AMOT: variants seen among roughly 807,000 people sequenced by gnomAD.
AMOT encodes angiomotin.
A neutral mutation model predicts 67.0 loss-of-function variants in AMOT; 11 were observed. That is an observed-to-expected ratio of 0.16 (90% CI 0.10 to 0.27). The LOEUF (loss-of-function observed/expected upper bound fraction) is 0.27, where lower values mean the gene tolerates loss of function less well. Among genes scored for constraint, AMOT ranks in the 10% least tolerant of loss-of-function variants. The pLI is 1.00. For synonymous variants in AMOT, 326 were observed against 321.4 expected (o/e 1.01, Z -0.15); for missense variants, 753 against 852.0 (o/e 0.88, Z 1.45).
At chrX:112,840,113 T>C (rs905477551) in intron 1 of AMOT, among the ~76,000 whole-genome samples, 2 of 111,224 alleles carry the variant, frequency 1.8e-5, no homozygotes, top group Non-Finnish European at 3.8e-5. Flanking sequence ...CTGGGCTAAA[T>C]GTAGATTTCA....
At position 112,778,883 on chromosome X, in the gene AMOT, A is replaced by G; in HGVS notation, c.3157+114T>C. Reference sequence around the variant, plus strand: ...CAGACTCTCTTCTCTCTCCTTTAGAACGTGAAAAACTCAGTCCAAATGATA... The same window carrying G: ...CAGACTCTCTTCTCTCTCCTTTAGAGCGTGAAAAACTCAGTCCAAATGATA... On this transcript the variant is annotated intron_variant, in intron 13 of 13. Transcript: ENST00000371959. 5 of 842,313 alleles carry G rather than the reference A, an allele frequency of 5.9e-6. No individual in the cohort carries two copies. The South Asian group carries it at 1.2e-4, about 21-fold the overall frequency. 69.4% of individuals were successfully genotyped at this position (842,313 alleles called of 1,213,427 possible). A position where few individuals can be genotyped will look rare whatever the true frequency, so the allele number is the denominator to read the frequency against.
chrX:112,800,136 C>G (rs1047481471), intron 8 of AMOT, among the ~76,000 whole-genome samples: 1 of 110,970 alleles, frequency 9.0e-6, no homozygotes, highest in African/African-American at 3.3e-5. Flanking sequence ...GAGGCTGAGG[C>G]AGGAGAATAG....
intron 2 of AMOT, among the ~76,000 whole-genome samples, chrX:112,829,565 A>G (rs967061250): frequency 1.8e-5 from 2 of 112,049 alleles, no homozygotes; most frequent in Non-Finnish European, 3.8e-5. Context: ...GGACAGCTTA[A>G]TACACTCTAT....
rs779002447 is a variant in AMOT, at chrX:112,832,275, A to G, written c.-212+19T>C. Reference sequence around the variant, plus strand: ...CAAAGAAAGACATGGAATAACAATAATAATAATGTTATTATTACCTTTAGT... The same window carrying G: ...CAAAGAAAGACATGGAATAACAATAGTAATAATGTTATTATTACCTTTAGT... On this transcript the variant is annotated intron_variant, in intron 2 of 13. Transcript: ENST00000371959. 2 of 111,923 alleles carry G rather than the reference A, an allele frequency of 1.8e-5. No individual in the cohort carries two copies. The highest frequency in any genetic ancestry group is 3.8e-5 in the Non-Finnish European group (2 of 53,240). The allele number at this position is 111,923 out of a possible 1,213,427, so 9.2% of individuals were successfully genotyped here.
chrX:112,793,741 A>G (rs997175041), intron 8 of AMOT, among the ~76,000 whole-genome samples: 3 of 112,022 alleles, frequency 2.7e-5, no homozygotes, highest in Non-Finnish European at 5.6e-5. Context: ...GGTGAGTTCG[A>G]AGCCTATATG....
intron 8 of AMOT, among the ~76,000 whole-genome samples, chrX:112,792,846 C>T (rs745640528): frequency 1.0e-3 from 112 of 111,119 alleles, no homozygotes; most frequent in African/African-American, 3.5e-3. Flanking sequence ...TAAGCCATAT[C>T]CAAAAGCAAA....
At chrX:112,819,648 A>C (rs1369414486) in intron 4 of AMOT, among the ~76,000 whole-genome samples, 1 of 112,671 alleles carries the variant, frequency 8.9e-6, no homozygotes, top group African/African-American at 3.2e-5. Context: ...AATTATTCAG[A>C]TAGCCTTTGC....
At chrX:112,781,443 C>CAAA (rs35689399) in intron 11 of AMOT, among the ~76,000 whole-genome samples, 8 of 28,983 alleles carry the variant, frequency 2.8e-4, no homozygotes, top group East Asian at 1.6e-3. Flanking sequence ...GACTCCATCT[C>CAAA]AAAAAAAAAA....
intron 1 of AMOT, among the ~76,000 whole-genome samples, chrX:112,836,784 CT>C (rs781690741): frequency 7.5e-5 from 8 of 107,292 alleles, no homozygotes; most frequent in Middle Eastern, 4.6e-3. Flanking sequence ...GCACTTCATT[CT>C]AGTAGCAATC....
rs775912299 is a variant in AMOT at position 112,823,010 on chromosome X, C to G, written c.117G>C (p.Gln39His). 3.1e-5 allele frequency: 36 copies of G among 1,165,555 alleles called. No homozygotes were observed. In the African/African-American group the frequency reaches 6.3e-4, roughly 20 times the overall value. Residue 39 changes from glutamine to histidine, a missense_variant, in exon 4 of 14, where the codon CAG becomes CAC. Around this residue, in one of 5 missense-constraint regions of AMOT, gnomAD observed 118 missense variants for 125.9 expected, o/e 0.94. Transcript: ENST00000371959. ...AAGGAGGGCCATTCCCTGTGGCTTG[C>G]TGGTGTATGGCAAGCAGGCTGCGAT... The part of the protein sequence containing the change: ...SENRSLLAIH[Q>H]QATGNGPPFP...
At chrX:112,833,168 G>T (rs1294252303) in intron 1 of AMOT, among the ~76,000 whole-genome samples, 1 of 111,873 alleles carries the variant, frequency 8.9e-6, no homozygotes, top group Non-Finnish European at 1.9e-5. Context: ...CACCTAAAGT[G>T]ATGCGGGGAA....
At chrX:112,787,022 G>A (rs962494059) in intron 10 of AMOT, among the ~76,000 whole-genome samples, 1 of 111,318 alleles carries the variant, frequency 9.0e-6, no homozygotes, top group African/African-American at 3.3e-5. Context: ...CAGGATAAAG[G>A]GCAATGCCAG....
chrX:112,834,598 C>T (rs562849317), intron 1 of AMOT, among the ~76,000 whole-genome samples: 10 of 112,036 alleles, frequency 8.9e-5, no homozygotes, highest in Middle Eastern at 9.2e-3. Context: ...AAATGAGCCA[C>T]GAATTGTACA....
intron 10 of AMOT, among the ~76,000 whole-genome samples, chrX:112,785,953 A>T (rs1388978702): frequency 8.9e-6 from 1 of 112,404 alleles, no homozygotes; most frequent in Non-Finnish European, 1.9e-5. Context: ...GCTCTTTTGG[A>T]AAGCACTGCA....
chrX:112,825,817 G>A (rs779722259), intron 2 of AMOT, among the ~76,000 whole-genome samples: 1 of 109,636 alleles, frequency 9.1e-6, no homozygotes, highest in Non-Finnish European at 1.9e-5. Flanking sequence ...GACACAATAA[G>A]GGCTACAAAG....
intron 8 of AMOT, among the ~76,000 whole-genome samples, chrX:112,793,508 G>C (rs1002470453): frequency 9.0e-6 from 1 of 111,673 alleles, no homozygotes; most frequent in African/African-American, 3.3e-5. Flanking sequence ...CTAGCATGTA[G>C]TGATAGAAAA....
At position 112,779,593 on chromosome X, in the gene AMOT, T is replaced by A; in HGVS notation, c.2561A>T (p.His854Leu). ...VPPSTPLLSA[H>L]SKTGSRDCST... The stretch of plus-strand genomic sequence containing the variant: ...GCAGTCTCGGCTGCCTGTCTTGGAG[T>A]GAGCCGAGAGCAGGGGAGTCGAGGG... The change falls in exon 13 of 14, where the codon CAC (histidine) becomes CTC (leucine). Residue 854 changes from histidine to leucine, a missense_variant. By Grantham distance (99) the His-to-Leu change is moderately conservative (BLOSUM62 -3). Around this residue, in one of 5 missense-constraint regions of AMOT, gnomAD observed 269 missense variants for 300.9 expected, o/e 0.89. Transcript: ENST00000371959. The A allele has an allele frequency of 8.3e-7, 1 of 1,210,233 alleles. No homozygotes were observed. Among genetic ancestry groups the A allele is most frequent in the Non-Finnish European group, 1.1e-6 (1 of 895,162 alleles).
At chrX:112,831,450 A>AATAG (rs1331708633) in intron 2 of AMOT, among the ~76,000 whole-genome samples, 3 of 77,737 alleles carry the variant, frequency 3.9e-5, no homozygotes, top group African/African-American at 1.0e-4. Context: ...GGTGGCAATA[A>AATAG]ATAAATAAAT....
Position 112,808,870 on chromosome X carries a change from G to T in AMOT, c.1630+1024C>A, listed in dbSNP as rs1386012424. Reference sequence around the variant, plus strand: ...AACTACATTCCTTACTCTAAGATATGCTGACAAAGGAACAGGAGGTACAGG... The same window carrying T: ...AACTACATTCCTTACTCTAAGATATTCTGACAAAGGAACAGGAGGTACAGG... On this transcript the variant is annotated intron_variant, in intron 7 of 13. Transcript: ENST00000371959. Among the ~76,000 whole-genome samples the T allele has an allele frequency of 2.7e-5, 3 of 111,948 alleles. No individual in the cohort carries two copies. In the Admixed American group the frequency reaches 2.8e-4, roughly 11 times the overall value.
Sources: allele counts gnomAD v4.1 joint callset (sites outside exome capture counted in the v4.1 genomes callset), GRCh38; gene constraint gnomAD v4.1.1; regional missense constraint gnomAD v4.1.1; transcripts MANE v1.5; gene names NCBI Gene and HGNC (gene_info 2026-07-23, HGNC 2026-07-21).